The following APBB1IP variants were observed in gnomAD, a reference collection of about 807,000 sequenced individuals.
APBB1IP encodes the protein amyloid beta A4 precursor protein-binding family B member 1-interacting protein.
APBB1IP carries 27 observed loss-of-function variants against 64.9 expected under a neutral mutation model. The ratio of observed to expected loss-of-function variants is 0.42; its 90% confidence interval spans 0.31 to 0.57. The LOEUF (loss-of-function observed/expected upper bound fraction) is 0.57. APBB1IP is among the 20% of genes least tolerant of loss of function. APBB1IP has a pLI of 0.20. For missense variants in APBB1IP, 812 were observed against 845.5 expected (o/e 0.96, Z 0.49); for synonymous variants, 392 against 331.0 (o/e 1.18, Z -2.00).
chr10:26,457,722 G>A (rs4375348), intron 2 of APBB1IP, among the ~76,000 whole-genome samples: 60,760 of 152,052 alleles, frequency 0.4, 12,274 homozygotes, highest in South Asian at 0.5. Context: ...TATGCAATGG[G>A]AAGTATAATT....
intron 2 of APBB1IP, among the ~76,000 whole-genome samples, chr10:26,487,491 A>C (rs910941456): frequency 1.3e-5 from 2 of 152,146 alleles, no homozygotes; most frequent in Admixed American, 1.3e-4. Context: ...ATTCACAAGC[A>C]AGTTTACTTA....
intron 13 of APBB1IP, 97 bp downstream of exon 13, chr10:26,560,941 A>T: frequency 2.4e-6 from 2 of 831,578 alleles, no homozygotes; most frequent in South Asian, 2.9e-5. Context: ...CTTTGTACAC[A>T]GCATTCAGAA....
At chr10:26,525,599 C>A (rs1836464200) in intron 8 of APBB1IP, among the ~76,000 whole-genome samples, 2 of 152,120 alleles carry the variant, frequency 1.3e-5, no homozygotes, top group South Asian at 4.1e-4. Context: ...GTTTAGAAGC[C>A]TACTGTACAA....
intron 4 of APBB1IP, among the ~76,000 whole-genome samples, chr10:26,497,254 T>G (rs1836036794): frequency 6.6e-6 from 1 of 152,064 alleles, no homozygotes. Flanking sequence ...GCTATTCATA[T>G]TATAATAAGT....
chr10:26,552,682 C>T (rs1018492246), intron 11 of APBB1IP, among the ~76,000 whole-genome samples: 3 of 152,030 alleles, frequency 2.0e-5, no homozygotes, highest in South Asian at 2.1e-4. Context: ...AGGATTGAAT[C>T]GTCCCAGTTT....
chr10:26,517,024 G>T (rs1407659816), intron 8 of APBB1IP, among the ~76,000 whole-genome samples: 2 of 152,172 alleles, frequency 1.3e-5, no homozygotes, highest in South Asian at 2.1e-4. Context: ...AATGCTGAGG[G>T]TTCCCCTCCC....
At chr10:26,499,030 A>C (rs1024748156) in intron 4 of APBB1IP, among the ~76,000 whole-genome samples, 7 of 152,166 alleles carry the variant, frequency 4.6e-5, no homozygotes, top group Non-Finnish European at 7.4e-5. Flanking sequence ...TTGGGAGGCC[A>C]AGGCAGGAGG....
In APBB1IP at chr10:26,531,329, C is replaced by G. The variant is rs150611884; in HGVS notation, c.814-2110C>G. Among the ~76,000 whole-genome samples the G allele has an allele frequency of 4.1e-3, 615 of 151,594 alleles. 1 individual carries two copies. The highest frequency in any genetic ancestry group is 6.3e-3 in the Non-Finnish European group (426 of 67,936). ...CCAGCCTGGGTGACAGAGCAAGACG[C>G]TGTCTCAAAAAAACAAAAAAAATTG... is the stretch of plus-strand genomic sequence containing the variant. On this transcript the variant is annotated intron_variant, in intron 8 of 14. Coordinates refer to ENST00000376236, the MANE Select transcript of APBB1IP (RefSeq NM_019043.4).
chr10:26,499,223 A>G (rs1055198533), intron 4 of APBB1IP, among the ~76,000 whole-genome samples: 3 of 151,892 alleles, frequency 2.0e-5, no homozygotes, highest in Admixed American at 1.3e-4. Context: ...CTATGATCCT[A>G]CCACTGCACT....
intron 6 of APBB1IP, 100 bp from the exon 7 acceptor site, chr10:26,511,647 T>TA (rs1289471607): frequency 7.1e-7 from 1 of 1,405,408 alleles, no homozygotes; most frequent in Non-Finnish European, 9.8e-7. Context: ...AACACATTCT[T>TA]ACAGAAATTT....
chr10:26,459,728 C>T (rs1294661943), intron 2 of APBB1IP, among the ~76,000 whole-genome samples: 2 of 151,980 alleles, frequency 1.3e-5, no homozygotes. Flanking sequence ...TGTTTTAGCC[C>T]TTATTTTTCA....
intron 8 of APBB1IP, among the ~76,000 whole-genome samples, chr10:26,516,543 C>CAAAAA (rs71401901): frequency 0.28 from 12,981 of 46,954 alleles, 2,435 homozygotes; most frequent in Middle Eastern, 0.34. Flanking sequence ...GACTCCATCT[C>CAAAAA]AAAAAAAAAA....
At chr10:26,484,961 T>G (rs1052548252) in intron 2 of APBB1IP, among the ~76,000 whole-genome samples, 1 of 152,190 alleles carries the variant, frequency 6.6e-6, no homozygotes. Flanking sequence ...GACTTTAGAT[T>G]GAATTAGAAA....
At chr10:26,539,226 C>T (rs1004140093) in intron 10 of APBB1IP, among the ~76,000 whole-genome samples, 1 of 151,924 alleles carries the variant, frequency 6.6e-6, no homozygotes, top group African/African-American at 2.4e-5. Context: ...GCCTGAGAAA[C>T]ATAGGGAGAC....
At chr10:26,475,577 G>A (rs1379434408) in intron 2 of APBB1IP, among the ~76,000 whole-genome samples, 1 of 152,156 alleles carries the variant, frequency 6.6e-6, no homozygotes, top group African/African-American at 2.4e-5. Context: ...ACAGTGTAAT[G>A]AAAGAGATCA....
chr10:26,454,282 A>T (rs1029414217), intron 2 of APBB1IP, among the ~76,000 whole-genome samples: 1 of 152,130 alleles, frequency 6.6e-6, no homozygotes, highest in Non-Finnish European at 1.5e-5. Flanking sequence ...GTCTACTAAA[A>T]ATATGAAAAT....
At chr10:26,562,279 T>A in intron 13 of APBB1IP, 47 bp from the exon 14 acceptor site, 1 of 1,400,512 alleles carries the variant, frequency 7.1e-7, no homozygotes, top group East Asian at 2.3e-5. Flanking sequence ...TTCAAGAATG[T>A]TGAAAATGCT....
At chr10:26,444,150 A>C (rs1835366815) in intron 2 of APBB1IP, among the ~76,000 whole-genome samples, 1 of 152,178 alleles carries the variant, frequency 6.6e-6, no homozygotes, top group Admixed American at 6.5e-5. Flanking sequence ...CACAGGGAAC[A>C]GTCGAGGCTG....
chr10:26,550,948 A>G (rs1836823113), intron 11 of APBB1IP, among the ~76,000 whole-genome samples: 1 of 152,192 alleles, frequency 6.6e-6, no homozygotes, highest in South Asian at 2.1e-4. Context: ...TCCTAAGTCC[A>G]GGTTAGACCC....
Sources: gnomAD v4.1 joint callset for allele counts (sites outside exome capture counted in the v4.1 genomes callset) on GRCh38, gnomAD v4.1.1 for gene constraint, MANE v1.5 for transcripts, NCBI Gene and HGNC (gene_info 2026-07-23, HGNC 2026-07-21) for gene names.